The following EDARADD variants were observed in gnomAD, a reference collection of about 807,000 sequenced individuals.
EDARADD encodes ectodysplasin-A receptor-associated adapter protein.
EDARADD carries 20 observed loss-of-function variants against 25.6 expected under a neutral mutation model. The ratio of observed to expected loss-of-function variants is 0.78; its 90% CI spans 0.55 to 1.14. The LOEUF (loss-of-function observed/expected upper bound fraction) is 1.14, where lower values mean the gene tolerates loss of function less well. Ranked by LOEUF, EDARADD falls within the 50% of genes most tolerant of loss-of-function variation. The pLI is 0.00. For synonymous variants in EDARADD, 86 were observed against 94.4 expected (o/e 0.91, Z 0.52); for missense variants, 225 against 270.1 (o/e 0.83, Z 1.17).
chr1:236,463,338 G>A (rs1327054563), intron 4 of EDARADD, among the ~76,000 whole-genome samples: 1 of 152,164 alleles, frequency 6.6e-6, no homozygotes, highest in Non-Finnish European at 1.5e-5. Flanking sequence ...CTGTCATCCA[G>A]GCTGGAGTGC....
intron 3 of EDARADD, among the ~76,000 whole-genome samples, chr1:236,353,417 C>T (rs533068175): frequency 5.8e-4 from 89 of 152,250 alleles, no homozygotes; most frequent in African/African-American, 2.0e-3. Context: ...CGCGGTGGCT[C>T]ACACCTGTAA....
intron 3 of EDARADD, among the ~76,000 whole-genome samples, chr1:236,383,548 G>A (rs1667323708): frequency 6.6e-6 from 1 of 152,034 alleles, no homozygotes; most frequent in Non-Finnish European, 1.5e-5. Context: ...TTGTTGTATT[G>A]TTTCAGGCAG....
intron 4 of EDARADD, among the ~76,000 whole-genome samples, chr1:236,455,262 A>G (rs895561841): frequency 6.6e-6 from 1 of 151,992 alleles, no homozygotes; most frequent in African/African-American, 2.4e-5. Context: ...CCCATCCAAC[A>G]ACTTCATTGG....
At chr1:236,352,881 G>C (rs1374195189) in intron 3 of EDARADD, among the ~76,000 whole-genome samples, 1 of 152,028 alleles carries the variant, frequency 6.6e-6, no homozygotes, top group Non-Finnish European at 1.5e-5. Flanking sequence ...GCAGTGGTGT[G>C]TGCATGTAGT....
rs373756041 is a variant in EDARADD, at chr1:236,459,848, A to G, written c.220-8383A>G. ...AGACTGGTCTCAAACTCCTGGCCTTAGGTGATCCACCCGCCTCAGCATCCC... is the reference window on the plus strand; with the variant it reads ...AGACTGGTCTCAAACTCCTGGCCTTGGGTGATCCACCCGCCTCAGCATCCC... On this transcript the variant is annotated intron_variant, in intron 4 of 5. Coordinates refer to ENST00000334232, the MANE Select transcript of EDARADD (RefSeq NM_145861.4). 7.9e-5 allele frequency among the ~76,000 whole-genome samples: 12 copies of G among 152,098 alleles called. 1 individual carries two copies. In the South Asian group the frequency reaches 2.5e-3, roughly 32 times the overall value.
intron 4 of EDARADD, among the ~76,000 whole-genome samples, chr1:236,466,047 C>G (rs1320531774): frequency 6.6e-6 from 1 of 152,168 alleles, no homozygotes; most frequent in Non-Finnish European, 1.5e-5. Context: ...TACTTAGAGT[C>G]AGGTTCATGT....
At chr1:236,464,527 G>C (rs976968353) in intron 4 of EDARADD, among the ~76,000 whole-genome samples, 2 of 146,250 alleles carry the variant, frequency 1.4e-5, no homozygotes, top group Non-Finnish European at 3.0e-5. Context: ...CCGCCTCCCG[G>C]GTTCAGGTGA....
intron 3 of EDARADD, among the ~76,000 whole-genome samples, chr1:236,356,956 T>C (rs1343990855): frequency 6.6e-6 from 1 of 152,020 alleles, no homozygotes; most frequent in Non-Finnish European, 1.5e-5. Context: ...TGGTGGTGCA[T>C]GCCTGTAATC....
At position 236,484,022 on chromosome 1, in the gene EDARADD, C is replaced by G; in HGVS notation, c.*1373C>G. 6.7e-7 allele frequency: 1 copy of G among 1,501,846 alleles called. No individual in the cohort carries two copies. Among genetic ancestry groups the G allele is most frequent in the Non-Finnish European group, 9.3e-7 (1 of 1,079,608 alleles). The allele number at this position is 1,501,846 out of a possible 1,614,324, so 93.0% of individuals were successfully genotyped here. On this transcript the variant is annotated 3_prime_UTR_variant, in exon 6 of 6. Coordinates refer to ENST00000334232, the MANE Select transcript of EDARADD (RefSeq NM_145861.4). This position sits in a 1 kb window ranked among gnomAD's most constrained non-coding sequence, Gnocchi z 4.1. ...ACCTGTACAAGTCCTTCATCAAAAA[C>G]TACCCAGTGGTGTCTACTGAAGATC...
chr1:236,483,701 G>A lies in EDARADD; in HGVS notation c.*1052G>A. The A allele has an allele frequency of 6.4e-7, 1 of 1,567,712 alleles. No individual in the cohort carries two copies. The highest frequency in any genetic ancestry group is 8.8e-7 in the Non-Finnish European group (1 of 1,139,560). On this transcript the variant is annotated 3_prime_UTR_variant, in exon 6 of 6. Coordinates refer to ENST00000334232, the MANE Select transcript of EDARADD (RefSeq NM_145861.4). Reference sequence around the variant, plus strand: ...TCCCAGTCGGTGCAGCAAACTTCAGGGAAGCCATGCCCATTGGAGCGGAGG... The same window carrying A: ...TCCCAGTCGGTGCAGCAAACTTCAGAGAAGCCATGCCCATTGGAGCGGAGG...
chr1:236,470,018 G>A (rs1007557238), intron 5 of EDARADD, among the ~76,000 whole-genome samples: 2 of 151,870 alleles, frequency 1.3e-5, no homozygotes, highest in Non-Finnish European at 2.9e-5. Context: ...AGCTTTTCTC[G>A]AACCCCTGAG....
intron 3 of EDARADD, among the ~76,000 whole-genome samples, chr1:236,368,631 G>C (rs897925024): frequency 6.6e-6 from 1 of 151,756 alleles, no homozygotes; most frequent in Non-Finnish European, 1.5e-5. Flanking sequence ...GTAGGGAAAG[G>C]GTTTCTCCAT....
chr1:236,403,792 C>G (rs1221088906), intron 1 of EDARADD, among the ~76,000 whole-genome samples: 1 of 152,196 alleles, frequency 6.6e-6, no homozygotes, highest in Non-Finnish European at 1.5e-5. Flanking sequence ...TCACCCGCAG[C>G]CTCTGTGAGC....
At chr1:236,453,192 G>A (rs1297995253) in intron 4 of EDARADD, among the ~76,000 whole-genome samples, 1 of 151,970 alleles carries the variant, frequency 6.6e-6, no homozygotes, top group Non-Finnish European at 1.5e-5. Context: ...AAGCCTAGCA[G>A]TAACTACAGT....
chr1:236,395,408 G>T lies in EDARADD; in HGVS notation c.61+903G>T, dbSNP rs1333648778. The T allele has an allele frequency of 2.8e-6, 4 of 1,436,834 alleles. No homozygotes were observed. In the Admixed American group the frequency reaches 7.2e-5, roughly 26 times the overall value. The allele number at this position is 1,436,834 out of a possible 1,614,324, so 89.0% of individuals were successfully genotyped here. A position where few individuals can be genotyped will look rare whatever the true frequency, so the allele number is the denominator to read the frequency against. Reference sequence around the variant, plus strand: ...GTACCGAGGGACGCGCAGCGAAGGGGCTTTGCTAATTGCCAAAGCAGGAAG... The same window carrying T: ...GTACCGAGGGACGCGCAGCGAAGGGTCTTTGCTAATTGCCAAAGCAGGAAG... On this transcript the variant is annotated intron_variant, in intron 1 of 5. Coordinates refer to ENST00000334232, the MANE Select transcript of EDARADD (RefSeq NM_145861.4). This position sits in a 1 kb window ranked among gnomAD's most constrained non-coding sequence, Gnocchi z 6.9.
At chr1:236,353,745 A>G (rs935847771) in intron 3 of EDARADD, among the ~76,000 whole-genome samples, 7 of 150,918 alleles carry the variant, frequency 4.6e-5, no homozygotes, top group African/African-American at 1.7e-4. Context: ...TTTGGTAGTT[A>G]CTCGACTGTG....
chr1:236,465,576 A>T (rs1659164777), intron 4 of EDARADD, among the ~76,000 whole-genome samples: 1 of 152,018 alleles, frequency 6.6e-6, no homozygotes, highest in South Asian at 2.1e-4. Context: ...GTCCTCTCTG[A>T]CTTCATCTGT....
At chr1:236,353,880 T>TA (rs900381891) in intron 3 of EDARADD, among the ~76,000 whole-genome samples, 3 of 151,008 alleles carry the variant, frequency 2.0e-5, no homozygotes, top group Non-Finnish European at 4.4e-5. Flanking sequence ...GCTCTTTCCT[T>TA]AAAAAAAAAG....
intron 1 of EDARADD, among the ~76,000 whole-genome samples, chr1:236,403,061 T>G (rs772634109): frequency 6.6e-6 from 1 of 152,054 alleles, no homozygotes; most frequent in Non-Finnish European, 1.5e-5. Context: ...GTTCAAGCGA[T>G]TCTCCTGCCT....
Sources: allele counts gnomAD v4.1 joint callset (sites outside exome capture counted in the v4.1 genomes callset), GRCh38; gene constraint gnomAD v4.1.1; non-coding constraint Gnocchi (gnomAD v3.1); transcripts MANE v1.5; gene names NCBI Gene and HGNC (gene_info 2026-07-23, HGNC 2026-07-21).